PCDH15: variants seen among roughly 807,000 people sequenced by gnomAD.
PCDH15 encodes protocadherin-15.
Under a neutral mutation model 178.5 loss-of-function variants are expected in PCDH15, and 129 were observed. The ratio of observed to expected loss-of-function variants is 0.72; its 90% CI spans 0.63 to 0.84. The LOEUF (loss-of-function observed/expected upper bound fraction) is 0.84, where lower values mean the gene tolerates loss of function less well. Among genes scored for constraint, PCDH15 ranks in the 40% least tolerant of loss-of-function variants. The probability of loss-of-function intolerance (pLI) is 0.00; values close to 1 mark genes in which losing one functional copy is unlikely to be tolerated. For synonymous variants in PCDH15, 800 were observed against 732.0 expected, an observed-to-expected ratio of 1.09 and a Z score of -1.50; for missense variants, 2,230 against 2,099.9, an observed-to-expected ratio of 1.06 and a Z score of -1.21.
chr10:53,822,821 C>G lies in PCDH15; in HGVS notation c.4368-2591G>C, dbSNP rs760232069. ...TTTCACCTTGCCTTATTTCCTCTTT[C>G]TCTGTCAAATTTGCCTCTTCAGTTG... is the stretch of plus-strand genomic sequence containing the variant. On this transcript the variant is annotated intron_variant, in intron 32 of 37. Transcript: ENST00000644397. The G allele has an allele frequency of 1.3e-5, 21 of 1,613,944 alleles. No individual in the cohort carries two copies. The African/African-American group carries it at 1.9e-4, about 14-fold the overall frequency.
chr10:55,520,043 T>TG (rs1841121618), intron 2 of PCDH15, among the ~76,000 whole-genome samples: 1 of 145,238 alleles, frequency 6.9e-6, no homozygotes, highest in Admixed American at 7.0e-5. Context: ...GCCATATATA[T>TG]ACATATATAT....
At chr10:54,611,757 C>T (rs1328240222) in intron 2 of PCDH15, among the ~76,000 whole-genome samples, 6 of 152,002 alleles carry the variant, frequency 3.9e-5, no homozygotes, top group East Asian at 3.9e-4. Context: ...AAACAGCCTA[C>T]TAAACCAGCA....
At chr10:54,177,835 A>G (rs1237311155) in intron 13 of PCDH15, among the ~76,000 whole-genome samples, 1 of 152,112 alleles carries the variant, frequency 6.6e-6, no homozygotes, top group Non-Finnish European at 1.5e-5. Context: ...AAATAAAGAT[A>G]ATTGATTAGT....
intron 2 of PCDH15, among the ~76,000 whole-genome samples, chr10:55,023,155 A>T (rs1480438354): frequency 1.3e-5 from 2 of 151,962 alleles, no homozygotes; most frequent in Non-Finnish European, 2.9e-5. Context: ...GTTAGCCGGG[A>T]TGGTCTCAAT....
intron 6 of PCDH15, among the ~76,000 whole-genome samples, chr10:54,332,334 A>AT (rs1939922954): frequency 3.4e-5 from 2 of 58,632 alleles, no homozygotes; most frequent in African/African-American, 4.8e-5. Context: ...TCTATATTAT[A>AT]TATTATTATA....
chr10:55,414,339 A>G (rs1244354842), intron 2 of PCDH15, among the ~76,000 whole-genome samples: 1 of 151,594 alleles, frequency 6.6e-6, no homozygotes, highest in African/African-American at 2.4e-5. Flanking sequence ...CAACCCGATG[A>G]AGAGTAGTTC....
chr10:54,380,643 G>GTA (rs59953769), intron 3 of PCDH15, among the ~76,000 whole-genome samples: 307 of 15,280 alleles, frequency 0.02, 28 homozygotes, highest in African/African-American at 0.043. Context: ...GTGTATGCAT[G>GTA]TATATATATA....
chr10:54,816,343 T>C (rs1287998912), intron 3 of PCDH15, among the ~76,000 whole-genome samples: 1 of 152,052 alleles, frequency 6.6e-6, no homozygotes, highest in East Asian at 1.9e-4. Flanking sequence ...TAAAATCTAG[T>C]AGATTATTTG....
chr10:54,682,668 C>A (rs550093423), intron 1 of PCDH15, among the ~76,000 whole-genome samples: 1 of 152,120 alleles, frequency 6.6e-6, no homozygotes, highest in African/African-American at 2.4e-5. Context: ...TCAGAGAGCC[C>A]TTTATTTATG....
Position 54,543,190 on chromosome 10 carries a change from A to G in PCDH15, c.92-15313T>C, listed in dbSNP as rs540495561. On this transcript the variant is annotated intron_variant, in intron 2 of 37. Coordinates refer to ENST00000644397, the MANE Select transcript of PCDH15 (RefSeq NM_001384140.1). ...ATTGGCTGAGAGCTACTTCCACTCA[A>G]TAAAACTTTGCAGTTGTTCTCCAAG... Among the ~76,000 whole-genome samples the G allele has an allele frequency of 3.3e-5, 5 of 152,322 alleles. No homozygotes were observed. In the South Asian group the frequency reaches 1.0e-3, roughly 32 times the overall value.
chr10:55,132,978 C>A (rs1413239170), intron 2 of PCDH15, among the ~76,000 whole-genome samples: 1 of 152,134 alleles, frequency 6.6e-6, no homozygotes, highest in Non-Finnish European at 1.5e-5. Flanking sequence ...AGCATGGAAA[C>A]ATTTCTGGTG....
At chr10:54,802,337 T>C (rs560244745), upstream of PCDH15, among the ~76,000 whole-genome samples, 1 of 152,304 alleles carries the variant, frequency 6.6e-6, no homozygotes, top group African/African-American at 2.4e-5. Flanking sequence ...GGGAAAAATC[T>C]TTAAGAATAT....
intron 2 of PCDH15, among the ~76,000 whole-genome samples, chr10:55,471,798 C>G (rs1021019858): frequency 6.6e-6 from 1 of 152,194 alleles, no homozygotes; most frequent in Non-Finnish European, 1.5e-5. Context: ...CTGTGAGATA[C>G]AGTTTCCCCA....
At chr10:54,395,201 A>G (rs1951048327) in intron 3 of PCDH15, among the ~76,000 whole-genome samples, 1 of 152,138 alleles carries the variant, frequency 6.6e-6, no homozygotes, top group Non-Finnish European at 1.5e-5. Context: ...AAATCTTTAC[A>G]ATTTATGTTT....
At chr10:55,235,988 A>C (rs1841375840) in intron 1 of PCDH15, among the ~76,000 whole-genome samples, 1 of 151,698 alleles carries the variant, frequency 6.6e-6, no homozygotes, top group African/African-American at 2.4e-5. Context: ...AGTATAGATT[A>C]CCTTTAATGT....
At chr10:54,981,566 G>C (rs1839232325) in intron 2 of PCDH15, among the ~76,000 whole-genome samples, 1 of 152,150 alleles carries the variant, frequency 6.6e-6, no homozygotes, top group Non-Finnish European at 1.5e-5. Flanking sequence ...AGATTGCCAA[G>C]AGATAATAAC....
intron 3 of PCDH15, among the ~76,000 whole-genome samples, chr10:54,419,325 AC>A (rs1179292477): frequency 6.6e-6 from 1 of 151,908 alleles, no homozygotes; most frequent in Non-Finnish European, 1.5e-5. Flanking sequence ...ATTTTGTCCA[AC>A]AAACAAATTT....
chr10:55,452,139 T>C (rs889405316), intron 2 of PCDH15, among the ~76,000 whole-genome samples: 2 of 152,238 alleles, frequency 1.3e-5, no homozygotes, highest in African/African-American at 4.8e-5. Flanking sequence ...AAGACAGTTA[T>C]ATTCAAGGAT....
chr10:54,066,875 G>A lies in PCDH15; in HGVS notation c.2102C>T (p.Ala701Val), dbSNP rs199537178. 2.5e-4 allele frequency: 402 copies of A among 1,613,056 alleles called. No homozygotes were observed. Among genetic ancestry groups the A allele is most frequent in the Non-Finnish European group, 3.2e-4 (373 of 1,179,436 alleles). The part of the protein sequence containing the change: ...SDGRPDGTST[A>V]TVNIVVTDVN... ...ATCTGTCACCACTATGTTTACTGTG[G>A]CAGTTGAGGTCTTAAAGAAAAACAC... is the stretch of plus-strand genomic sequence containing the variant. Residue 701 changes from alanine to valine, a missense_variant, in exon 18 of 38, where the codon GCC becomes GTC. Ala to Val is a moderately conservative substitution (Grantham distance 64). Transcript: ENST00000644397.
Sources: gnomAD v4.1 joint callset for allele counts (sites outside exome capture counted in the v4.1 genomes callset) on GRCh38, gnomAD v4.1.1 for gene constraint, MANE v1.5 for transcripts, NCBI Gene and HGNC (gene_info 2026-07-23, HGNC 2026-07-21) for gene names.